The following BBX variants were observed in gnomAD, a reference collection of about 807,000 sequenced individuals.
The protein encoded by BBX is BBX high mobility group box domain containing, also known as HMG box transcription factor BBX.
Under a neutral mutation model 100.2 loss-of-function variants are expected in BBX, and 30 were observed. The ratio of observed to expected loss-of-function variants is 0.30; its 90% CI spans 0.22 to 0.41. The LOEUF (loss-of-function observed/expected upper bound fraction) is 0.41, where lower values mean the gene tolerates loss of function less well. Ranked by LOEUF, BBX falls within the 10% of genes least tolerant of loss-of-function variation. BBX has a pLI of 1.00. For missense variants in BBX, 1,023 were observed against 1,129.8 expected (o/e 0.91, Z 1.35); for synonymous variants, 376 against 388.1 (o/e 0.97, Z 0.37).
chr3:107,565,072 T>G (rs1052619565), intron 2 of BBX, among the ~76,000 whole-genome samples: 3 of 152,236 alleles, frequency 2.0e-5, no homozygotes, highest in African/African-American at 7.2e-5. Flanking sequence ...TCAGATACTT[T>G]ATAGTTTTTG....
intron 2 of BBX, among the ~76,000 whole-genome samples, chr3:107,548,113 C>T (rs540332126): frequency 6.6e-6 from 1 of 152,274 alleles, no homozygotes; most frequent in East Asian, 1.9e-4. Context: ...GATTGTGTGT[C>T]AGACAACTCC....
At chr3:107,755,720 G>A (rs749695398) in intron 10 of BBX, 42 bp downstream of exon 10, 9 of 1,507,104 alleles carry the variant, frequency 6.0e-6, no homozygotes, top group Admixed American at 3.4e-5. Flanking sequence ...CTGCAGAGGT[G>A]GAAATTACAA....
chr3:107,758,840 T>C (rs1306135876), intron 10 of BBX, among the ~76,000 whole-genome samples: 1 of 152,182 alleles, frequency 6.6e-6, no homozygotes, highest in Admixed American at 6.5e-5. Flanking sequence ...CTGTCTTCTA[T>C]TCTCTAAATG....
At chr3:107,544,959 A>G (rs1373197653) in intron 2 of BBX, among the ~76,000 whole-genome samples, 3 of 151,952 alleles carry the variant, frequency 2.0e-5, no homozygotes, top group East Asian at 1.9e-4. Flanking sequence ...GGAGCTTGCA[A>G]TGAGCCGAGA....
intron 7 of BBX, among the ~76,000 whole-genome samples, chr3:107,741,384 G>A (rs749264991): frequency 1.8e-4 from 27 of 152,058 alleles, no homozygotes; most frequent in Non-Finnish European, 3.5e-4. Flanking sequence ...CATGGTTATT[G>A]AGAATTATAA....
At chr3:107,770,561 T>C (rs2066823049) in intron 10 of BBX, among the ~76,000 whole-genome samples, 1 of 152,234 alleles carries the variant, frequency 6.6e-6, no homozygotes, top group Admixed American at 6.5e-5. Flanking sequence ...TTTCAGTGAT[T>C]CAGAATTAAG....
intron 7 of BBX, among the ~76,000 whole-genome samples, chr3:107,733,353 C>T (rs1333017632): frequency 1.3e-5 from 2 of 152,162 alleles, no homozygotes; most frequent in Admixed American, 6.5e-5. Flanking sequence ...TCGAAACATT[C>T]TCTGCTTGGG....
chr3:107,546,012 G>T (rs2049214114), intron 2 of BBX, among the ~76,000 whole-genome samples: 1 of 152,162 alleles, frequency 6.6e-6, no homozygotes. Flanking sequence ...GGTGCTAATT[G>T]TTTCTAGCAG....
At chr3:107,557,539 T>C (rs1473926607) in intron 2 of BBX, among the ~76,000 whole-genome samples, 2 of 152,264 alleles carry the variant, frequency 1.3e-5, no homozygotes. Flanking sequence ...TAATCTATTT[T>C]ATAGTAAGGT....
rs1366537700 is a variant in BBX at position 107,584,033 on chromosome 3, T to C, written c.-84+57635T>C. Among the ~76,000 whole-genome samples the C allele has an allele frequency of 2.3e-4, 14 of 60,272 alleles. No homozygotes were observed. The South Asian group carries it at 4.9e-3, about 21-fold the overall frequency. 39.5% of individuals were successfully genotyped at this position (60,272 alleles called of 152,430 possible). ...ATATTATACATATTATTATATATATTAATTATATATATTATATATATTATA... is the reference window on the plus strand; with the variant it reads ...ATATTATACATATTATTATATATATCAATTATATATATTATATATATTATA... On this transcript the variant is annotated intron_variant, in intron 2 of 17. Transcript: ENST00000325805.
rs148288816 is a variant in BBX, at chr3:107,593,707, C to T, written c.-83-52129C>T. 6.1e-3 allele frequency among the ~76,000 whole-genome samples: 934 copies of T among 152,232 alleles called. 11 individuals carry two copies. The highest frequency in any genetic ancestry group is 0.021 in the African/African-American group (886 of 41,542). On this transcript the variant is annotated intron_variant, in intron 2 of 17. Transcript: ENST00000325805. The stretch of plus-strand genomic sequence containing the variant: ...GAATACATAGGATGCAACCTAATTC[C>T]GCCCAAGGGAAATGGGCAAACTGTG...
intron 10 of BBX, 88 bp from the exon 11 acceptor site, chr3:107,772,539 TA>T: frequency 7.6e-7 from 1 of 1,322,300 alleles, no homozygotes; most frequent in Non-Finnish European, 1.0e-6. Context: ...TGATTATTTT[TA>T]AAACAGATAT....
intron 2 of BBX, among the ~76,000 whole-genome samples, chr3:107,584,501 G>A (rs2052666929): frequency 6.7e-6 from 1 of 150,350 alleles, no homozygotes; most frequent in African/African-American, 2.4e-5. Flanking sequence ...ACACTGTAAT[G>A]ATGGTAATTA....
chr3:107,532,511 C>T (rs973061638), intron 2 of BBX, among the ~76,000 whole-genome samples: 2 of 152,112 alleles, frequency 1.3e-5, no homozygotes, highest in Non-Finnish European at 2.9e-5. Context: ...AGAAGTGTTA[C>T]ATATGTAGTG....
At chr3:107,780,580 A>C (rs935671259) in intron 13 of BBX, among the ~76,000 whole-genome samples, 6 of 152,090 alleles carry the variant, frequency 3.9e-5, no homozygotes, top group African/African-American at 1.4e-4. Context: ...GTTCTTATAT[A>C]GTATATCAGT....
intron 2 of BBX, among the ~76,000 whole-genome samples, chr3:107,548,630 A>T (rs937472900): frequency 2.0e-5 from 3 of 152,238 alleles, no homozygotes; most frequent in African/African-American, 7.2e-5. Flanking sequence ...CCAGCAGTCT[A>T]CTACTGGGTA....
At chr3:107,620,965 C>T (rs1302110093) in intron 2 of BBX, among the ~76,000 whole-genome samples, 2 of 151,516 alleles carry the variant, frequency 1.3e-5, no homozygotes, top group South Asian at 4.2e-4. Context: ...GGGAGAAAAT[C>T]GGAGGTCACT....
intron 2 of BBX, among the ~76,000 whole-genome samples, chr3:107,568,714 G>T (rs550518473): frequency 6.6e-6 from 1 of 152,070 alleles, no homozygotes; most frequent in Non-Finnish European, 1.5e-5. Context: ...GCATTCTGGG[G>T]AAATCCTTGG....
intron 5 of BBX, among the ~76,000 whole-genome samples, chr3:107,723,953 A>G (rs1481630630): frequency 6.6e-6 from 1 of 152,170 alleles, no homozygotes; most frequent in Non-Finnish European, 1.5e-5. Flanking sequence ...GTCAAATGGT[A>G]TTTCCAGTTC....
Sources: allele counts gnomAD v4.1 joint callset (sites outside exome capture counted in the v4.1 genomes callset), GRCh38; gene constraint gnomAD v4.1.1; transcripts MANE v1.5; gene names NCBI Gene and HGNC (gene_info 2026-07-23, HGNC 2026-07-21).